The following EPB41 variants were observed in gnomAD, a reference collection of about 807,000 sequenced individuals.
The protein encoded by EPB41 is erythrocyte membrane protein band 4.1.
A neutral mutation model predicts 108.0 loss-of-function variants in EPB41; 65 were observed. The ratio of observed to expected loss-of-function variants is 0.60; its 90% CI spans 0.49 to 0.74. EPB41 has a LOEUF of 0.74. EPB41 is among the 30% of genes least tolerant of loss of function. The pLI, the probability that EPB41 is intolerant of heterozygous loss-of-function variation, is 0.00. For missense variants in EPB41, 875 were observed against 1,037.0 expected, an observed-to-expected ratio of 0.84 and a Z score of 2.15; for synonymous variants, 336 against 358.9, an observed-to-expected ratio of 0.94 and a Z score of 0.72.
At chr1:29,036,697 G>A (rs189049931) in intron 10 of EPB41, among the ~76,000 whole-genome samples, 294 of 134,214 alleles carry the variant, frequency 2.2e-3, no homozygotes, top group African/African-American at 7.4e-3. Flanking sequence ...TTTTTTTCGA[G>A]ACAGAGTCTC....
intron 10 of EPB41, among the ~76,000 whole-genome samples, chr1:29,036,248 C>T (rs1042066283): frequency 3.5e-5 from 5 of 143,126 alleles, no homozygotes; most frequent in Admixed American, 1.5e-4. Flanking sequence ...CTTACCTCCA[C>T]GTGTGATTTT....
At chr1:28,945,991 A>G (rs1486601358) in intron 1 of EPB41, among the ~76,000 whole-genome samples, 2 of 152,204 alleles carry the variant, frequency 1.3e-5, no homozygotes, top group South Asian at 2.1e-4. Context: ...TGTATGATGT[A>G]TGGGAAATTC....
rs183657772 is a variant in EPB41 at position 29,036,602 on chromosome 1, A to G, written c.1463+679A>G. Among the ~76,000 whole-genome samples, 6 of 149,306 alleles carry G rather than the reference A, an allele frequency of 4.0e-5. No homozygotes were observed. In the East Asian group the frequency reaches 1.2e-3, roughly 30 times the overall value. On this transcript the variant is annotated intron_variant, in intron 10 of 20. Transcript: ENST00000343067. The stretch of plus-strand genomic sequence containing the variant: ...TGTTTTTGCTAATTTTTTTTTCCAC[A>G]TGGAATTTCTCTAAGCAATGCTTGA...
chr1:28,941,547 AT>A (rs2148782556), intron 1 of EPB41, among the ~76,000 whole-genome samples: 1 of 152,332 alleles, frequency 6.6e-6, no homozygotes, highest in South Asian at 2.1e-4. Flanking sequence ...TGTAGTACTG[AT>A]TTATTAACAG....
At chr1:28,997,128 G>A in intron 3 of EPB41, 87 bp from the exon 4 acceptor site, 1 of 988,454 alleles carries the variant, frequency 1.0e-6, no homozygotes, top group East Asian at 2.4e-5. Flanking sequence ...CTCCAGCCTG[G>A]GCAACAGAGT....
chr1:28,912,611 C>T (rs1196392142), upstream of EPB41, among the ~76,000 whole-genome samples: 1 of 151,828 alleles, frequency 6.6e-6, no homozygotes, highest in African/African-American at 2.4e-5. Flanking sequence ...TCATTTAATT[C>T]TGTTTTCCTT....
At chr1:29,105,217 G>A (rs963165678) in intron 17 of EPB41, among the ~76,000 whole-genome samples, 2 of 152,120 alleles carry the variant, frequency 1.3e-5, no homozygotes, top group Admixed American at 1.3e-4. Flanking sequence ...GTATACAGTA[G>A]TACACTTTTG....
chr1:28,955,147 C>A (rs1045841124), intron 1 of EPB41, among the ~76,000 whole-genome samples: 1 of 152,106 alleles, frequency 6.6e-6, no homozygotes, highest in African/African-American at 2.4e-5. Flanking sequence ...TTGTTACTAG[C>A]GTTACCACTT....
intron 18 of EPB41, 40 bp downstream of exon 18, chr1:29,109,477 C>G: frequency 1.3e-6 from 2 of 1,561,698 alleles, no homozygotes; most frequent in Non-Finnish European, 1.8e-6. Flanking sequence ...AACCCAGGGG[C>G]AGGCTAAGCT....
chr1:29,109,133 G>A (rs952561976), intron 17 of EPB41, among the ~76,000 whole-genome samples: 7 of 151,920 alleles, frequency 4.6e-5, no homozygotes, highest in African/African-American at 1.7e-4. Context: ...GGGAAGCGGA[G>A]GTTGCAGTGA....
chr1:29,048,463 A>G (rs1001308490), intron 11 of EPB41, among the ~76,000 whole-genome samples: 1 of 151,932 alleles, frequency 6.6e-6, no homozygotes, highest in Non-Finnish European at 1.5e-5. Context: ...CACCCACCTC[A>G]GCCTCCCAAA....
chr1:28,889,436 C>G (rs2089849662), intron 1 of EPB41, among the ~76,000 whole-genome samples: 1 of 152,212 alleles, frequency 6.6e-6, no homozygotes, highest in Admixed American at 6.5e-5. Flanking sequence ...CCAGGGCTGG[C>G]CTCCCTCCTG....
At chr1:28,974,889 G>A (rs1311608902) in intron 1 of EPB41, among the ~76,000 whole-genome samples, 2 of 151,866 alleles carry the variant, frequency 1.3e-5, no homozygotes, top group East Asian at 3.9e-4. Flanking sequence ...CCGCCTCCCG[G>A]GTTCAAGAGA....
intron 1 of EPB41, among the ~76,000 whole-genome samples, chr1:28,952,457 C>T (rs1318416441): frequency 2.6e-5 from 4 of 152,082 alleles, no homozygotes; most frequent in African/African-American, 7.2e-5. Context: ...ACCCGGGAGG[C>T]GGAGGTTACA....
intron 4 of EPB41, among the ~76,000 whole-genome samples, chr1:29,000,497 T>C (rs1424246175): frequency 6.6e-6 from 1 of 152,262 alleles, no homozygotes; most frequent in Non-Finnish European, 1.5e-5. Flanking sequence ...ATATAAAAGC[T>C]TAATAACAAA....
chr1:28,939,600 C>T (rs952005247), intron 1 of EPB41, among the ~76,000 whole-genome samples: 11 of 152,128 alleles, frequency 7.2e-5, no homozygotes, highest in South Asian at 2.1e-4. Context: ...CTTGACACCA[C>T]GCCCGGCTAA....
rs1275817455 is a variant in EPB41 at position 29,018,234 on chromosome 1, T to C, written c.916T>C (p.Cys306Arg). ...LTEDITRYYL[C>R]LQLRQDIVAG... is the part of the protein sequence containing the mutation. ...CTCTTTTGGCTGTAGATATTATTTA[T>C]GTCTTCAGCTTCGGCAGGACATAGT... The change falls in exon 7 of 21, where the codon TGT becomes CGT. Residue 306 changes from cysteine (C) to arginine (R), a missense_variant. Transcript: ENST00000343067. The surrounding 1 kb of genome is among the most constrained non-coding windows in gnomAD (Gnocchi z 4.4). 2.5e-6 allele frequency: 4 copies of C among 1,614,066 alleles called. No individual in the cohort carries two copies. The highest frequency in any genetic ancestry group is 2.7e-5 in the African/African-American group (2 of 74,928).
chr1:29,022,822 A>G (rs2096663814), intron 7 of EPB41, among the ~76,000 whole-genome samples: 1 of 152,108 alleles, frequency 6.6e-6, no homozygotes, highest in Non-Finnish European at 1.5e-5. Context: ...AAATCAATAT[A>G]TTGCAACAGA....
chr1:28,921,959 T>TATATATATATATATATAC lies in EPB41; in HGVS notation c.-8+7194_-8+7195insTATATATATATATACATA, dbSNP rs2093116159. 5.2e-5 allele frequency among the ~76,000 whole-genome samples: 6 copies of TATATATATATATATATAC among 114,876 alleles called. No individual in the cohort carries two copies. The South Asian group carries it at 1.9e-3, about 37-fold the overall frequency. 75.4% of individuals were successfully genotyped at this position (114,876 alleles called of 152,430 possible). ...AATTTTATATATATATATATATATA[T>TATATATATATATATATAC]ATACACTTTTTTTTTGTTTTTTTTT... On this transcript the variant is annotated intron_variant, in intron 1 of 20. Transcript: ENST00000343067.
Sources: allele counts gnomAD v4.1 joint callset (sites outside exome capture counted in the v4.1 genomes callset), GRCh38; gene constraint gnomAD v4.1.1; non-coding constraint Gnocchi (gnomAD v3.1); transcripts MANE v1.5; gene names NCBI Gene and HGNC (gene_info 2026-07-23, HGNC 2026-07-21).